The following C9orf85 variants were observed in gnomAD, a reference collection of about 807,000 sequenced individuals.
C9orf85 encodes the protein uncharacterized protein C9orf85.
C9orf85 carries 16 observed loss-of-function variants against 14.9 expected under a neutral mutation model. That is an observed-to-expected ratio of 1.08 (90% CI 0.73 to 1.63). The LOEUF is 1.63. C9orf85 is among the 40% of genes most tolerant of loss of function. The probability of loss-of-function intolerance (pLI) is 0.00; values close to 1 mark genes in which losing one functional copy is unlikely to be tolerated. For missense variants in C9orf85, 172 were observed against 186.1 expected (o/e 0.92, Z 0.44); for synonymous variants, 45 against 56.8 (o/e 0.79, Z 0.93).
chr9:71,959,952 G>A (rs1377628248), intron 2 of C9orf85, among the ~76,000 whole-genome samples: 1 of 152,212 alleles, frequency 6.6e-6, no homozygotes, highest in Non-Finnish European at 1.5e-5. Context: ...ACAAGACACT[G>A]TGTTGTATGT....
chr9:71,914,537 G>A (rs564402749), intron 1 of C9orf85, among the ~76,000 whole-genome samples: 71 of 152,206 alleles, frequency 4.7e-4, no homozygotes, highest in African/African-American at 1.7e-3. Flanking sequence ...CCTCTGCCAA[G>A]CAGTTTGTTA....
intron 1 of C9orf85, among the ~76,000 whole-genome samples, chr9:71,918,911 G>A (rs1226666702): frequency 2.6e-5 from 4 of 151,990 alleles, no homozygotes; most frequent in African/African-American, 9.7e-5. Flanking sequence ...TCATCCCAAA[G>A]CCACCCTGAT....
At chr9:71,975,806 T>C (rs1822987620), downstream of C9orf85, among the ~76,000 whole-genome samples, 1 of 152,244 alleles carries the variant, frequency 6.6e-6, no homozygotes, top group African/African-American at 2.4e-5. Context: ...CACTCCAGCC[T>C]GGGGAACAAG....
At chr9:71,925,071 T>A (rs1221439127) in intron 1 of C9orf85, among the ~76,000 whole-genome samples, 6 of 152,214 alleles carry the variant, frequency 3.9e-5, no homozygotes, top group Non-Finnish European at 7.3e-5. Context: ...TAAAAAAAAA[T>A]TCCTGGCTTA....
chr9:71,950,138 A>G (rs561987304), intron 2 of C9orf85, among the ~76,000 whole-genome samples: 2 of 152,332 alleles, frequency 1.3e-5, no homozygotes, highest in Non-Finnish European at 2.9e-5. Flanking sequence ...CTAGCTTTCA[A>G]ACTCCAATCC....
downstream of C9orf85, among the ~76,000 whole-genome samples, chr9:71,973,897 CTTATT>C (rs1297477665): frequency 1.5e-5 from 2 of 132,580 alleles, no homozygotes. Context: ...TATTACGTTT[CTTATT>C]TTATTTCTTT....
exon 4 of C9orf85, chr9:71,982,741 T>C (rs1823120086): frequency 2.8e-6 from 1 of 360,582 alleles, no homozygotes; most frequent in Admixed American, 3.8e-5. Context: ...GTTCAAGTGA[T>C]TCTCCTGCCT....
At chr9:71,976,496 A>G (rs904080462), downstream of C9orf85, among the ~76,000 whole-genome samples, 4 of 152,106 alleles carry the variant, frequency 2.6e-5, no homozygotes, top group East Asian at 7.7e-4. Context: ...CCCCGTCTCT[A>G]CTAAAAATAC....
At chr9:71,941,574 A>G (rs1821930592) in intron 1 of C9orf85, among the ~76,000 whole-genome samples, 1 of 152,244 alleles carries the variant, frequency 6.6e-6, no homozygotes, top group Non-Finnish European at 1.5e-5. Context: ...TCCAGAATGT[A>G]GGATATTCTC....
At chr9:71,952,774 C>T (rs1347820135) in intron 2 of C9orf85, among the ~76,000 whole-genome samples, 1 of 151,918 alleles carries the variant, frequency 6.6e-6, no homozygotes, top group Non-Finnish European at 1.5e-5. Context: ...ACTTTTATTT[C>T]AGGTAACCAA....
chr9:71,961,194 T>G (rs985643073), intron 2 of C9orf85, among the ~76,000 whole-genome samples: 2 of 151,912 alleles, frequency 1.3e-5, no homozygotes, highest in Non-Finnish European at 2.9e-5. Context: ...TTTACAGGTG[T>G]AAGCCACCAC....
intron 2 of C9orf85, among the ~76,000 whole-genome samples, chr9:71,952,456 C>G (rs1362150222): frequency 2.0e-5 from 3 of 152,222 alleles, no homozygotes; most frequent in African/African-American, 7.2e-5. Flanking sequence ...GCTCCGCCTC[C>G]TGGGTTCACA....
chr9:71,939,583 G>T (rs924782005), intron 1 of C9orf85, among the ~76,000 whole-genome samples: 1 of 152,084 alleles, frequency 6.6e-6, no homozygotes, highest in East Asian at 1.9e-4. Flanking sequence ...TCATAGCAGG[G>T]TTTTTTGTTG....
chr9:71,924,445 T>G (rs533814778), intron 1 of C9orf85, among the ~76,000 whole-genome samples: 1 of 152,370 alleles, frequency 6.6e-6, no homozygotes, highest in East Asian at 1.9e-4. Flanking sequence ...CAGAGTCTTA[T>G]GTCATAAAGA....
Position 71,957,228 on chromosome 9 carries a change from T to C in C9orf85, c.209+10116T>C. ...ACATCCTGCCCCAAATTTCACCCAT[T>C]ATTTTTGTTATTAATTTAGGGTATC... On this transcript the variant is annotated intron_variant, in intron 2 of 3. Transcript: ENST00000334731. Among the ~76,000 whole-genome samples, 2 of 152,168 alleles carry C rather than the reference T, an allele frequency of 1.3e-5. 1 individual carries two copies. Among genetic ancestry groups the C allele is most frequent in the Non-Finnish European group, 2.9e-5 (2 of 68,036 alleles).
intron 3 of C9orf85, among the ~76,000 whole-genome samples, chr9:71,981,619 A>G (rs1311563441): frequency 6.6e-6 from 1 of 152,190 alleles, no homozygotes; most frequent in Non-Finnish European, 1.5e-5. Flanking sequence ...TGCTATTTAT[A>G]TTCTATTTTT....
At chr9:71,968,928 G>T (rs1226970382) in intron 2 of C9orf85, among the ~76,000 whole-genome samples, 9 of 152,042 alleles carry the variant, frequency 5.9e-5, no homozygotes, top group African/African-American at 2.2e-4. Context: ...AGCAGTTTCG[G>T]CAGGAAAGAC....
At chr9:71,922,260 G>A (rs1827829209) in intron 1 of C9orf85, among the ~76,000 whole-genome samples, 1 of 151,964 alleles carries the variant, frequency 6.6e-6, no homozygotes, top group Non-Finnish European at 1.5e-5. Context: ...TAATGTCCTA[G>A]ATTCCCAGAT....
intron 1 of C9orf85, among the ~76,000 whole-genome samples, chr9:71,922,763 C>T (rs1039638233): frequency 6.6e-6 from 1 of 152,228 alleles, no homozygotes; most frequent in African/African-American, 2.4e-5. Flanking sequence ...ATCTCATTGC[C>T]ACCTCAGAAG....
Sources: gnomAD v4.1 joint callset for allele counts (sites outside exome capture counted in the v4.1 genomes callset) on GRCh38, gnomAD v4.1.1 for gene constraint, MANE v1.5 for transcripts, NCBI Gene and HGNC (gene_info 2026-07-23, HGNC 2026-07-21) for gene names.